The following TUT4 variants were observed in gnomAD, a reference collection of about 807,000 sequenced individuals.
The protein encoded by TUT4 is terminal uridylyl transferase 4, also known as terminal uridylyltransferase 4.
A neutral mutation model predicts 192.2 loss-of-function variants in TUT4; 36 were observed. The observed-to-expected ratio is 0.19, with a 90% confidence interval of 0.14 to 0.25. The LOEUF (loss-of-function observed/expected upper bound fraction) is 0.25. Among genes scored for constraint, TUT4 ranks in the 10% least tolerant of loss-of-function variants. TUT4 has a pLI of 1.00. For missense variants in TUT4, 1,493 were observed against 1,957.2 expected, an observed-to-expected ratio of 0.76 and a Z score of 4.47; for synonymous variants, 618 against 666.0, an observed-to-expected ratio of 0.93 and a Z score of 1.11.
At chr1:52,526,872 A>G (rs1301739322) in intron 1 of TUT4, among the ~76,000 whole-genome samples, 1 of 152,092 alleles carries the variant, frequency 6.6e-6, no homozygotes, top group East Asian at 1.9e-4. Context: ...TAAAAATACA[A>G]AAATTAGCCA....
chr1:52,450,584 T>C (rs1352871871), intron 20 of TUT4, among the ~76,000 whole-genome samples: 1 of 152,218 alleles, frequency 6.6e-6, no homozygotes, highest in Non-Finnish European at 1.5e-5. Flanking sequence ...AAGCAAGCAC[T>C]GTTTATGAAT....
chr1:52,524,350 C>T (rs979687975), intron 2 of TUT4, among the ~76,000 whole-genome samples: 6 of 151,660 alleles, frequency 4.0e-5, no homozygotes, highest in South Asian at 4.2e-4. Flanking sequence ...GGTGAAACCC[C>T]GTCTCTACTA....
chr1:52,488,266 G>C (rs536682502), intron 9 of TUT4, among the ~76,000 whole-genome samples: 5 of 152,272 alleles, frequency 3.3e-5, no homozygotes, highest in South Asian at 4.1e-4. Context: ...AGTCTAACAA[G>C]TGATGAATAC....
intron 5 of TUT4, among the ~76,000 whole-genome samples, chr1:52,496,457 A>G (rs1425609044): frequency 1.3e-5 from 2 of 152,122 alleles, no homozygotes; most frequent in African/African-American, 2.4e-5. Flanking sequence ...CAACTTTCCA[A>G]AATCCCTTTG....
chr1:52,447,802 GA>G (rs889499368), intron 20 of TUT4, among the ~76,000 whole-genome samples: 6 of 152,318 alleles, frequency 3.9e-5, no homozygotes, highest in Admixed American at 3.9e-4. Context: ...TTTTCCCAGT[GA>G]AAATGAGGAA....
chr1:52,540,523 A>C, intron 1 of TUT4, among the ~76,000 whole-genome samples: 1 of 151,272 alleles, frequency 6.6e-6, no homozygotes, highest in Non-Finnish European at 1.5e-5. Flanking sequence ...TCAAAAAAAA[A>C]AAAAGAAAGA....
chr1:52,507,079 C>T (rs756973160), intron 4 of TUT4, among the ~76,000 whole-genome samples: 20 of 152,186 alleles, frequency 1.3e-4, no homozygotes, highest in African/African-American at 2.2e-4. Flanking sequence ...CCATGAAGCA[C>T]GAGGCTTTCC....
chr1:52,524,219 G>C (rs949253523), intron 2 of TUT4, among the ~76,000 whole-genome samples: 1 of 152,146 alleles, frequency 6.6e-6, no homozygotes, highest in East Asian at 1.9e-4. Context: ...TTAAAAATCT[G>C]ATCACAGCAT....
At chr1:52,428,336 A>G (rs571894786) in intron 28 of TUT4, among the ~76,000 whole-genome samples, 1 of 152,208 alleles carries the variant, frequency 6.6e-6, no homozygotes, top group African/African-American at 2.4e-5. Flanking sequence ...CTAAAAATAC[A>G]AAAATTAGGG....
Position 52,461,134 on chromosome 1 carries a change from C to A in TUT4, c.3321G>T (p.Lys1107Asn). The A allele has an allele frequency of 6.4e-7, 1 of 1,564,230 alleles. No homozygotes were observed. Among genetic ancestry groups the A allele is most frequent in the South Asian group, 1.2e-5 (1 of 81,686 alleles). Residue 1107 changes from lysine to asparagine, a missense_variant and splice_region_variant, in exon 19 of 30, where the codon AAG (lysine) becomes AAT (asparagine). Lys to Asn is a moderately conservative substitution (Grantham distance 94). Transcript: ENST00000257177. ...AGATCATTAATTTTTTCATAAATAC[C>A]TTAGCAAACACTTTCATAGTATATC... Reference protein sequence around the residue: ...YLGYTMKVFAKRCDIGDASRG... With the variant: ...YLGYTMKVFANRCDIGDASRG...
intron 5 of TUT4, 100 bp downstream of exon 5, chr1:52,496,906 G>T: frequency 8.7e-7 from 1 of 1,153,180 alleles, no homozygotes; most frequent in Non-Finnish European, 1.2e-6. Context: ...TACTTTTAAG[G>T]AGAAAAGGGA....
intron 2 of TUT4, among the ~76,000 whole-genome samples, chr1:52,523,535 G>C (rs1357414048): frequency 6.6e-6 from 1 of 151,996 alleles, no homozygotes; most frequent in Non-Finnish European, 1.5e-5. Flanking sequence ...AGAAGTTGCA[G>C]TGGAGCCAAG....
chr1:52,461,550 C>T lies in TUT4; in HGVS notation c.3194G>A (p.Ser1065Asn). 1 of 1,613,280 alleles carries T rather than the reference C, an allele frequency of 6.2e-7. No homozygotes were observed. Among genetic ancestry groups the T allele is most frequent in the Non-Finnish European group, 8.5e-7 (1 of 1,179,622 alleles). Residue 1065 changes from serine to asparagine, a missense_variant, in exon 18 of 30, where the codon AGT becomes AAT. Ser to Asn is a conservative substitution (Grantham distance 46, BLOSUM62 1). Transcript: ENST00000257177. ...TAAACTGATATCGCCTTCTAACCCACTTCGCCTGTGTTCAAATTTTACTAT... is the reference window on the plus strand; with the variant it reads ...TAAACTGATATCGCCTTCTAACCCATTTCGCCTGTGTTCAAATTTTACTAT... ...VPIVKFEHRR[S>N]GLEGDISLYN...
rs376812023 is a variant in TUT4 at position 52,423,879 on chromosome 1, C to G, written c.*56G>C. 1 of 1,596,200 alleles carries G rather than the reference C, an allele frequency of 6.3e-7. No homozygotes were observed. The highest frequency in any genetic ancestry group is 1.1e-5 in the South Asian group (1 of 88,384). On this transcript the variant is annotated 3_prime_UTR_variant, in exon 30 of 30. Transcript: ENST00000257177. ...TGAGGTACGGATACCCTTGAGACAG[C>G]AGGATTGGCTGGTTGCTGTGCATCG...
At chr1:52,463,550 G>A (rs943286390) in intron 16 of TUT4, 1 of 1,191,324 alleles carries the variant, frequency 8.4e-7, no homozygotes, top group South Asian at 1.6e-5. Flanking sequence ...TAACAGAGGC[G>A]ATACTGACAC....
At chr1:52,538,214 C>G (rs1291770390) in intron 1 of TUT4, among the ~76,000 whole-genome samples, 1 of 151,890 alleles carries the variant, frequency 6.6e-6, no homozygotes, top group Non-Finnish European at 1.5e-5. Flanking sequence ...CCAACCTGAG[C>G]GAAAGAGCAA....
At chr1:52,443,075 G>A (rs12406115) in intron 24 of TUT4, among the ~76,000 whole-genome samples, 9,296 of 149,390 alleles carry the variant, frequency 0.062, 308 homozygotes, top group South Asian at 0.088. Flanking sequence ...CCTAAGGTCC[G>A]GAGTTCAAAA....
intron 4 of TUT4, among the ~76,000 whole-genome samples, chr1:52,505,831 T>G (rs992618998): frequency 1.4e-5 from 2 of 147,376 alleles, no homozygotes; most frequent in Non-Finnish European, 3.0e-5. Flanking sequence ...ATGAGCGGGG[T>G]TTTTTTTGTT....
chr1:52,440,870 A>G (rs1655309827), intron 24 of TUT4, among the ~76,000 whole-genome samples: 1 of 152,238 alleles, frequency 6.6e-6, no homozygotes, highest in Non-Finnish European at 1.5e-5. Flanking sequence ...GCTAATACTA[A>G]TAATTAGATA....
Sources: gnomAD v4.1 joint callset for allele counts (sites outside exome capture counted in the v4.1 genomes callset) on GRCh38, gnomAD v4.1.1 for gene constraint, MANE v1.5 for transcripts, NCBI Gene and HGNC (gene_info 2026-07-23, HGNC 2026-07-21) for gene names.